The following RAB11FIP4 variants were observed in gnomAD, a reference collection of about 807,000 sequenced individuals.
RAB11FIP4 encodes the protein RAB11 family interacting protein 4.
A neutral mutation model predicts 74.3 loss-of-function variants in RAB11FIP4; 23 were observed. That is an observed-to-expected ratio of 0.31 (90% CI 0.22 to 0.44). RAB11FIP4 has a LOEUF of 0.44. Among genes scored for constraint, RAB11FIP4 ranks in the 20% least tolerant of loss-of-function variants. The probability of loss-of-function intolerance (pLI) is 1.00; values close to 1 mark genes in which losing one functional copy is unlikely to be tolerated. For synonymous variants in RAB11FIP4, 360 were observed against 359.9 expected (o/e 1.00, Z 0.00); for missense variants, 630 against 863.9 (o/e 0.73, Z 3.39).
intron 3 of RAB11FIP4, among the ~76,000 whole-genome samples, chr17:31,513,507 CAA>C (rs1469970431): frequency 6.6e-6 from 1 of 152,112 alleles, no homozygotes; most frequent in African/African-American, 2.4e-5. Flanking sequence ...GCCGGGGAAA[CAA>C]GAGCTGGGGC....
At chr17:31,511,884 C>T (rs1397634630) in intron 3 of RAB11FIP4, among the ~76,000 whole-genome samples, 6 of 152,190 alleles carry the variant, frequency 3.9e-5, no homozygotes, top group Non-Finnish European at 7.4e-5. Flanking sequence ...CAGGCGAACA[C>T]GGCTCTCAAG....
chr17:31,424,835 C>T (rs2071232889), intron 1 of RAB11FIP4, among the ~76,000 whole-genome samples: 1 of 152,128 alleles, frequency 6.6e-6, no homozygotes. Flanking sequence ...TCTCGGCCTC[C>T]CAAAGTGCTG....
intron 3 of RAB11FIP4, among the ~76,000 whole-genome samples, chr17:31,483,906 G>A (rs528822828): frequency 2.0e-5 from 3 of 152,020 alleles, no homozygotes; most frequent in South Asian, 4.1e-4. Context: ...TGGTGGCAGC[G>A]AAAGAAAATA....
chr17:31,464,778 T>TTTTTTTA (rs2071668600), intron 3 of RAB11FIP4, among the ~76,000 whole-genome samples: 1 of 125,182 alleles, frequency 8.0e-6, no homozygotes, highest in Non-Finnish European at 1.6e-5. Context: ...TTTTTTTTTT[T>TTTTTTTA]GAGACAAGGT....
At chr17:31,471,363 C>A (rs545608691) in intron 3 of RAB11FIP4, among the ~76,000 whole-genome samples, 1 of 152,134 alleles carries the variant, frequency 6.6e-6, no homozygotes, top group East Asian at 1.9e-4. Flanking sequence ...CTGCGCCCAG[C>A]TGGAAATGGG....
intron 1 of RAB11FIP4, among the ~76,000 whole-genome samples, chr17:31,429,587 G>T (rs2071286382): frequency 6.6e-6 from 1 of 152,228 alleles, no homozygotes; most frequent in African/African-American, 2.4e-5. Context: ...AGCACTTTGG[G>T]AGGCCAAGGT....
intron 3 of RAB11FIP4, among the ~76,000 whole-genome samples, chr17:31,468,109 G>A (rs1267769500): frequency 6.6e-6 from 1 of 152,172 alleles, no homozygotes. Context: ...AATAGATTTG[G>A]GTCACGAGGG....
chr17:31,401,133 A>G (rs932058138), intron 1 of RAB11FIP4, among the ~76,000 whole-genome samples: 7 of 152,224 alleles, frequency 4.6e-5, no homozygotes, highest in Middle Eastern at 3.4e-3. Flanking sequence ...TTAGCTGGGC[A>G]TGGTGGTGGG....
chr17:31,458,193 C>T (rs185727463), intron 3 of RAB11FIP4, among the ~76,000 whole-genome samples: 6 of 152,172 alleles, frequency 3.9e-5, no homozygotes, highest in African/African-American at 7.2e-5. Context: ...CCTCAGAATG[C>T]GGGCTGAGTC....
At chr17:31,496,446 T>C (rs2072117675) in intron 3 of RAB11FIP4, among the ~76,000 whole-genome samples, 1 of 152,184 alleles carries the variant, frequency 6.6e-6, no homozygotes, top group South Asian at 2.1e-4. Flanking sequence ...TGGGAGTGGG[T>C]CACTGGCCTT....
intron 3 of RAB11FIP4, among the ~76,000 whole-genome samples, chr17:31,481,336 TA>T (rs2071846908): frequency 6.6e-6 from 1 of 152,114 alleles, no homozygotes; most frequent in South Asian, 2.1e-4. Flanking sequence ...AAGCGTTTTT[TA>T]AGTTCTTCAA....
chr17:31,510,453 A>T (rs1020383364), intron 3 of RAB11FIP4, among the ~76,000 whole-genome samples: 1 of 152,140 alleles, frequency 6.6e-6, no homozygotes, highest in Non-Finnish European at 1.5e-5. Context: ...CGCCCAAGCT[A>T]TTTTTACCCT....
chr17:31,418,023 C>T (rs919665588), intron 1 of RAB11FIP4, among the ~76,000 whole-genome samples: 4 of 152,206 alleles, frequency 2.6e-5, no homozygotes, highest in East Asian at 1.9e-4. Context: ...CCTGGGAGGT[C>T]GAGGCTGCTG....
At chr17:31,489,178 C>T (rs947675067) in intron 3 of RAB11FIP4, among the ~76,000 whole-genome samples, 1 of 152,160 alleles carries the variant, frequency 6.6e-6, no homozygotes, top group Admixed American at 6.5e-5. Flanking sequence ...GCACCCTGGG[C>T]TGGTTCCTGG....
chr17:31,502,759 G>T (rs78552816), intron 3 of RAB11FIP4, among the ~76,000 whole-genome samples: 7,662 of 152,120 alleles, frequency 0.05, 613 homozygotes, highest in African/African-American at 0.17. Context: ...GGCTGTCATA[G>T]CAAAGGACCA....
intron 3 of RAB11FIP4, among the ~76,000 whole-genome samples, chr17:31,459,996 C>T (rs943192106): frequency 6.6e-5 from 10 of 152,170 alleles, no homozygotes; most frequent in Non-Finnish European, 1.2e-4. Flanking sequence ...CGGTCACTCC[C>T]GGCCCTCTCA....
At chr17:31,437,033 A>G (rs1020899876) in intron 3 of RAB11FIP4, among the ~76,000 whole-genome samples, 2 of 150,100 alleles carry the variant, frequency 1.3e-5, no homozygotes, top group Non-Finnish European at 3.0e-5. Flanking sequence ...CTCATGATCC[A>G]CCCGCCTCGG....
At chr17:31,488,075 C>T in intron 3 of RAB11FIP4, 1 of 1,016,556 alleles carries the variant, frequency 9.8e-7, no homozygotes, top group Non-Finnish European at 1.2e-6. Flanking sequence ...CGCGGGTCTC[C>T]CGGCAACGGG....
intron 3 of RAB11FIP4, among the ~76,000 whole-genome samples, chr17:31,456,452 C>T (rs1370963936): frequency 6.6e-6 from 1 of 152,222 alleles, no homozygotes; most frequent in African/African-American, 2.4e-5. Context: ...AGCGATCCGC[C>T]CCCCTCAGCC....
Sources: gnomAD v4.1 joint callset for allele counts (sites outside exome capture counted in the v4.1 genomes callset) on GRCh38, gnomAD v4.1.1 for gene constraint, MANE v1.5 for transcripts, NCBI Gene and HGNC (gene_info 2026-07-23, HGNC 2026-07-21) for gene names.